Variants in USP14 observed in about 807,000 individuals in gnomAD.
USP14 encodes ubiquitin carboxyl-terminal hydrolase 14.
In USP14, 38 loss-of-function variants were observed where a neutral mutation model predicts 76.5. The observed-to-expected ratio is 0.50, with a 90% CI of 0.38 to 0.65. The LOEUF (loss-of-function observed/expected upper bound fraction) is 0.65. Among genes scored for constraint, USP14 ranks in the 30% least tolerant of loss-of-function variants. USP14 has a pLI of 0.00. For missense variants in USP14, 467 were observed against 586.5 expected (o/e 0.80, Z 2.10); for synonymous variants, 192 against 191.7 (o/e 1.00, Z -0.01).
chr18:179,906 T>C (rs893229518), intron 4 of USP14, among the ~76,000 whole-genome samples: 6 of 152,066 alleles, frequency 3.9e-5, no homozygotes, highest in African/African-American at 1.4e-4. Context: ...CAACCTGTTA[T>C]TTTGCTTTTT....
intron 5 of USP14, 115 bp from the exon 6 acceptor site, chr18:192,727 C>A: frequency 1.1e-6 from 1 of 869,876 alleles, no homozygotes; most frequent in Non-Finnish European, 1.8e-6. Context: ...GTGGGAACAA[C>A]TCTGAGAAAC....
At chr18:181,423 C>A (rs1472806023) in intron 5 of USP14, among the ~76,000 whole-genome samples, 10 of 152,082 alleles carry the variant, frequency 6.6e-5, no homozygotes, top group Non-Finnish European at 1.5e-4. Flanking sequence ...TTTTTAGTGG[C>A]TAATGATGTT....
intron 2 of USP14, among the ~76,000 whole-genome samples, chr18:163,775 G>A (rs562582258): frequency 6.0e-5 from 9 of 150,086 alleles, no homozygotes; most frequent in African/African-American, 2.0e-4. Context: ...TTCAATGTAC[G>A]GATTTCATCA....
At chr18:196,539 T>A (rs1457060524) in intron 6 of USP14, 98 bp from the exon 7 acceptor site, 2 of 1,389,574 alleles carry the variant, frequency 1.4e-6, no homozygotes, top group Non-Finnish European at 1.9e-6. Flanking sequence ...AAAAAAAAAT[T>A]AAGTAAGTTT....
At position 180,176 on chromosome 18, in the gene USP14, A is replaced by G. The variant is rs1317920172; in HGVS notation, c.301-60A>G. 18 of 891,086 alleles carry G rather than the reference A, an allele frequency of 2.0e-5. No homozygotes were observed. The East Asian group carries it at 4.2e-4, about 21-fold the overall frequency. The allele number at this position is 891,086 out of a possible 1,614,324, so 55.2% of individuals were successfully genotyped here. A position where few individuals can be genotyped will look rare whatever the true frequency, so the allele number is the denominator to read the frequency against. ...AGAATTTTAGTGATTTATATATGCC[A>G]TGTCATTTTGTAAAAATGGTTTAAT... On this transcript the variant is annotated intron_variant, in intron 4 of 15. Coordinates refer to ENST00000261601, the MANE Select transcript of USP14 (RefSeq NM_005151.4).
At chr18:202,177 GTT>G (rs1910401226) in intron 10 of USP14, among the ~76,000 whole-genome samples, 1 of 152,202 alleles carries the variant, frequency 6.6e-6, no homozygotes, top group Non-Finnish European at 1.5e-5. Context: ...AGTAGTGAAT[GTT>G]TGTTAAATGT....
chr18:167,284 A>G (rs1370533655), intron 3 of USP14, among the ~76,000 whole-genome samples: 2 of 152,228 alleles, frequency 1.3e-5, no homozygotes, highest in South Asian at 2.1e-4. Context: ...CCGTCTCCAA[A>G]AAAAGAGTCT....
chr18:171,986 A>T (rs894124107), intron 3 of USP14, among the ~76,000 whole-genome samples: 1 of 152,172 alleles, frequency 6.6e-6, no homozygotes, highest in Non-Finnish European at 1.5e-5. Flanking sequence ...CACTCCTATA[A>T]TCCCAGCACT....
In USP14 at chr18:163,204, G is replaced by T. The variant is rs1909172361; in HGVS notation, c.17-104G>T. The stretch of plus-strand genomic sequence containing the variant: ...GTGTTATGGGCATAGAAAGATGAAT[G>T]ACATGTTTTGACTCCCGATAACTGC... On this transcript the variant is annotated intron_variant, in intron 1 of 15. Coordinates refer to ENST00000261601, the MANE Select transcript of USP14 (RefSeq NM_005151.4). 6.8e-6 allele frequency: 7 copies of T among 1,032,594 alleles called. No homozygotes were observed. The South Asian group carries it at 1.2e-4, about 18-fold the overall frequency. The allele number at this position is 1,032,594 out of a possible 1,614,324, so 64.0% of individuals were successfully genotyped here.
intron 12 of USP14, among the ~76,000 whole-genome samples, chr18:203,841 G>A (rs567822425): frequency 1.3e-5 from 2 of 152,076 alleles, no homozygotes; most frequent in East Asian, 1.9e-4. Flanking sequence ...CTCTTGATCC[G>A]CCCGCTTTGG....
chr18:178,920 T>A lies in USP14; in HGVS notation c.196-13T>A, dbSNP rs537379339. ...TTTAAGGATTTTCATGAAATTACTT[T>A]TTTTAAAAACAGGGAATGACTCTAC... On this transcript the variant is annotated splice_polypyrimidine_tract_variant and intron_variant, in intron 3 of 15. Transcript: ENST00000261601. The A allele has an allele frequency of 6.3e-7, 1 of 1,588,710 alleles. No homozygotes were observed. The highest frequency in any genetic ancestry group is 1.2e-5 in the South Asian group (1 of 86,442).
At chr18:179,234 C>T (rs1909713149) in intron 4 of USP14, among the ~76,000 whole-genome samples, 197 bp downstream of exon 4, 1 of 152,022 alleles carries the variant, frequency 6.6e-6, no homozygotes, top group Non-Finnish European at 1.5e-5. Context: ...TAAGGCACAG[C>T]TAGGGGTTTT....
At chr18:164,058 A>G (rs937995622) in intron 2 of USP14, among the ~76,000 whole-genome samples, 4 of 152,344 alleles carry the variant, frequency 2.6e-5, no homozygotes, top group Middle Eastern at 3.4e-3. Context: ...AGCATCATTT[A>G]AATTTTATTT....
In USP14 at chr18:199,621, T is replaced by A. The variant is rs1048575430; in HGVS notation, c.876+305T>A. On this transcript the variant is annotated intron_variant, in intron 10 of 15. Transcript: ENST00000261601. ...CCCCCAAGCACAGGGCTGAGTGCTGTCTAGTGTTTCTAGGTGTGGGAAGGC... is the reference window on the plus strand; with the variant it reads ...CCCCCAAGCACAGGGCTGAGTGCTGACTAGTGTTTCTAGGTGTGGGAAGGC... 2.0e-5 allele frequency among the ~76,000 whole-genome samples: 3 copies of A among 152,210 alleles called. No individual in the cohort carries two copies. The East Asian group carries it at 5.8e-4, about 29-fold the overall frequency.
chr18:193,944 T>G (rs190236018), intron 6 of USP14, among the ~76,000 whole-genome samples: 22 of 152,316 alleles, frequency 1.4e-4, no homozygotes, highest in Admixed American at 3.9e-4. Flanking sequence ...TTGGTATGCA[T>G]CTAGGAGTGG....
At chr18:206,598 T>C (rs1283189810) in intron 13 of USP14, among the ~76,000 whole-genome samples, 3 of 152,160 alleles carry the variant, frequency 2.0e-5, no homozygotes, top group African/African-American at 4.8e-5. Context: ...ATTGGTGTCA[T>C]ATCTAAGAAA....
intron 3 of USP14, among the ~76,000 whole-genome samples, chr18:173,458 C>T (rs965338424): frequency 6.6e-6 from 1 of 151,332 alleles, no homozygotes; most frequent in African/African-American, 2.4e-5. Flanking sequence ...GTTGCCCAGG[C>T]TGGAGTGCAA....
chr18:198,739 T>G (rs1910308791), intron 9 of USP14, among the ~76,000 whole-genome samples: 2 of 152,110 alleles, frequency 1.3e-5, no homozygotes, highest in Admixed American at 6.5e-5. Context: ...ATTAATTTCT[T>G]ATATGTCAAG....
Position 213,993 on chromosome 18 carries a change from A to AGAT in USP14, c.*2710_*2712dup, listed in dbSNP as rs1555603861. 8.0e-5 allele frequency: 12 copies of AGAT among 150,646 alleles called. No individual in the cohort carries two copies. In the Middle Eastern group the frequency reaches 0.014, roughly 171 times the overall value. 9.3% of individuals were successfully genotyped at this position (150,646 alleles called of 1,614,324 possible). On this transcript the variant is annotated 3_prime_UTR_variant, in exon 16 of 16. Coordinates refer to ENST00000261601, the MANE Select transcript of USP14 (RefSeq NM_005151.4). ...AGATAGATTAGATAGATAGATAGAT[A>AGAT]GATAGATGATGATTGATTGATGATT...
Sources: allele counts gnomAD v4.1 joint callset (sites outside exome capture counted in the v4.1 genomes callset), GRCh38; gene constraint gnomAD v4.1.1; transcripts MANE v1.5; gene names NCBI Gene and HGNC (gene_info 2026-07-23, HGNC 2026-07-21).